The following PRUNE2 variants were observed in gnomAD, a reference collection of about 807,000 sequenced individuals.
The protein encoded by PRUNE2 is prune homolog 2 with BCH domain.
In PRUNE2, 164 loss-of-function variants were observed where a neutral mutation model predicts 252.0. That is an observed-to-expected ratio of 0.65 (90% CI 0.57 to 0.74). The LOEUF is 0.74. Ranked by LOEUF, PRUNE2 falls within the 30% of genes least tolerant of loss-of-function variation. The pLI, the probability that PRUNE2 is intolerant of heterozygous loss-of-function variation, is 0.00. For synonymous variants in PRUNE2, 1,292 were observed against 1,350.2 expected (o/e 0.96, Z 0.94); for missense variants, 3,495 against 3,711.0 (o/e 0.94, Z 1.51).
At chr9:76,729,613 A>G (rs1273269600) in intron 6 of PRUNE2, among the ~76,000 whole-genome samples, 1 of 152,180 alleles carries the variant, frequency 6.6e-6, no homozygotes, top group Non-Finnish European at 1.5e-5. Context: ...GGAGTTGGTT[A>G]ATTAAAAATT....
chr9:76,812,033 C>A (rs2057387116), intron 6 of PRUNE2, among the ~76,000 whole-genome samples: 1 of 152,212 alleles, frequency 6.6e-6, no homozygotes, highest in African/African-American at 2.4e-5. Flanking sequence ...ATCAAACTGA[C>A]ATGGAAAATC....
At chr9:76,865,682 T>C (rs902285996) in intron 1 of PRUNE2, among the ~76,000 whole-genome samples, 8 of 152,196 alleles carry the variant, frequency 5.3e-5, no homozygotes, top group Non-Finnish European at 2.9e-5. Context: ...AATAACAGTA[T>C]CATGGGATAA....
At chr9:76,830,651 CA>C (rs2058615995) in intron 4 of PRUNE2, among the ~76,000 whole-genome samples, 1 of 132,576 alleles carries the variant, frequency 7.5e-6, no homozygotes, top group African/African-American at 2.8e-5. Context: ...GACTCAGTCT[CA>C]AAAACAAAAA....
intron 6 of PRUNE2, among the ~76,000 whole-genome samples, chr9:76,724,250 G>T (rs542250035): frequency 1.4e-5 from 2 of 142,206 alleles, no homozygotes; most frequent in East Asian, 4.2e-4. Context: ...CTTGAGCTCA[G>T]AAGGTCGAGA....
intron 4 of PRUNE2, 138 bp downstream of exon 4, chr9:76,846,377 C>A: frequency 1.6e-6 from 1 of 626,404 alleles, no homozygotes; most frequent in East Asian, 2.6e-5. Flanking sequence ...CTCTTTACTC[C>A]CTGCCTCTCT....
At chr9:76,619,816 A>G (rs1265190940) in intron 17 of PRUNE2, among the ~76,000 whole-genome samples, 1 of 152,204 alleles carries the variant, frequency 6.6e-6, no homozygotes, top group Non-Finnish European at 1.5e-5. Flanking sequence ...ATTTCCCAAT[A>G]CACTGAAAGA....
chr9:76,649,728 T>C (rs1229609977), intron 11 of PRUNE2, among the ~76,000 whole-genome samples: 1 of 152,224 alleles, frequency 6.6e-6, no homozygotes, highest in Non-Finnish European at 1.5e-5. Context: ...TGATGTCTTA[T>C]AGTTTACCAA....
chr9:76,781,604 T>C (rs1314204430), intron 6 of PRUNE2, among the ~76,000 whole-genome samples: 1 of 152,246 alleles, frequency 6.6e-6, no homozygotes, highest in Non-Finnish European at 1.5e-5. Context: ...TATAACAGCA[T>C]CCAATCATTT....
At chr9:76,788,300 A>G (rs1004333284) in intron 6 of PRUNE2, 13 of 619,650 alleles carry the variant, frequency 2.1e-5, no homozygotes, top group Middle Eastern at 2.6e-4. Context: ...AGTCGAAAGA[A>G]ACATCTCTTA....
At chr9:76,829,755 T>G (rs1385844981) in intron 4 of PRUNE2, among the ~76,000 whole-genome samples, 1 of 151,962 alleles carries the variant, frequency 6.6e-6, no homozygotes, top group Non-Finnish European at 1.5e-5. Flanking sequence ...TGTTTTGTTT[T>G]TTTTTTTTTA....
At chr9:76,745,878 G>C (rs760757517) in intron 6 of PRUNE2, among the ~76,000 whole-genome samples, 4 of 152,126 alleles carry the variant, frequency 2.6e-5, no homozygotes, top group Admixed American at 6.5e-5. Flanking sequence ...CACAAGGATG[G>C]GCATGTGATT....
chr9:76,894,776 T>C (rs2062716637), intron 1 of PRUNE2, among the ~76,000 whole-genome samples: 1 of 150,064 alleles, frequency 6.7e-6, no homozygotes, highest in African/African-American at 2.5e-5. Context: ...TCCCAGCACT[T>C]TGGGAGGCTG....
intron 1 of PRUNE2, among the ~76,000 whole-genome samples, chr9:76,882,809 G>A (rs947412462): frequency 1.3e-5 from 2 of 152,228 alleles, no homozygotes; most frequent in South Asian, 2.1e-4. Context: ...AAATTGGTGG[G>A]GACACATATC....
intron 6 of PRUNE2, among the ~76,000 whole-genome samples, chr9:76,792,505 G>A (rs1010149894): frequency 1.3e-5 from 2 of 152,222 alleles, no homozygotes; most frequent in African/African-American, 4.8e-5. Context: ...GCTGCAGGAT[G>A]CTTCTCCACA....
chr9:76,718,434 A>T (rs199947014), intron 6 of PRUNE2, among the ~76,000 whole-genome samples: 30,899 of 151,932 alleles, frequency 0.2, 3,495 homozygotes, highest in East Asian at 0.49. Context: ...AGTACCAAGC[A>T]CTCCGAGGTT....
chr9:76,626,346 CTGAGA>C (rs1189652659), intron 16 of PRUNE2, among the ~76,000 whole-genome samples: 1 of 152,278 alleles, frequency 6.6e-6, no homozygotes, highest in East Asian at 1.9e-4. Flanking sequence ...GTGGGAGTGG[CTGAGA>C]TTAGATCCTT....
rs761204272 is a variant in PRUNE2, at chr9:76,711,181, G to A, written c.1093C>T (p.Arg365Trp). ...GCCACGGCTTCTGTTGAGGATGTCC[G>A]GCTATTGGAGACCATCTCTGGACAC... ...RRCPEMVSNS[R>W]TSSTEAVAGS... Residue 365 changes from arginine to tryptophan, a missense_variant, in exon 8 of 19, where the codon CGG becomes TGG. Arg to Trp is a moderately radical substitution (Grantham distance 101). Transcript: ENST00000376718. The A allele has an allele frequency of 3.7e-6, 6 of 1,613,802 alleles. No homozygotes were observed. The highest frequency in any genetic ancestry group is 3.3e-5 in the Admixed American group (2 of 59,982).
chr9:76,770,278 T>C (rs947187756), intron 6 of PRUNE2, among the ~76,000 whole-genome samples: 6 of 152,344 alleles, frequency 3.9e-5, no homozygotes, highest in Non-Finnish European at 7.4e-5. Context: ...ACAGGCATTT[T>C]ACCTAAGTTT....
intron 6 of PRUNE2, among the ~76,000 whole-genome samples, chr9:76,766,280 C>A (rs2052378849): frequency 6.6e-6 from 1 of 151,758 alleles, no homozygotes; most frequent in African/African-American, 2.4e-5. Context: ...ACAAAAGCTT[C>A]AGGGGATACC....
Sources: allele counts gnomAD v4.1 joint callset (sites outside exome capture counted in the v4.1 genomes callset), GRCh38; gene constraint gnomAD v4.1.1; transcripts MANE v1.5; gene names NCBI Gene and HGNC (gene_info 2026-07-23, HGNC 2026-07-21).